The following INSL6 variants were observed in gnomAD, a reference collection of about 807,000 sequenced individuals.
The protein encoded by INSL6 is insulin like 6.
Under a neutral mutation model 9.4 loss-of-function variants are expected in INSL6, and 16 were observed. The ratio of observed to expected loss-of-function variants is 1.70; its 90% CI spans 1.15 to 2.59. INSL6 has a LOEUF of 2.59. Among genes scored for constraint, INSL6 ranks in the 30% most tolerant of loss-of-function variants. INSL6 has a pLI of 0.00. For missense variants in INSL6, 391 were observed against 257.3 expected, an observed-to-expected ratio of 1.52 and a Z score of -3.56; for synonymous variants, 154 against 96.9, an observed-to-expected ratio of 1.59 and a Z score of -3.46.
the INSL6 span, among the ~76,000 whole-genome samples, chr9:5,090,115 T>C: frequency 6.6e-6 from 1 of 152,236 alleles, no homozygotes; most frequent in Non-Finnish European, 1.5e-5. Flanking sequence ...GGAATTGTTT[T>C]TGTTTACATT....
chr9:5,105,140 G>C, the INSL6 span, among the ~76,000 whole-genome samples: 1 of 151,978 alleles, frequency 6.6e-6, no homozygotes, highest in African/African-American at 2.4e-5. Flanking sequence ...CAGATGACAC[G>C]ACTGTATATT....
chr9:5,029,963 A>T, the INSL6 span: 4 of 1,484,016 alleles, frequency 2.7e-6, no homozygotes, highest in Non-Finnish European at 3.6e-6. Flanking sequence ...GGGAGAAATT[A>T]TCAAATATTT....
chr9:5,016,218 G>A, the INSL6 span, among the ~76,000 whole-genome samples: 4 of 152,200 alleles, frequency 2.6e-5, no homozygotes, highest in Non-Finnish European at 5.9e-5. Flanking sequence ...GGAACTTCAG[G>A]ATGAAGTGAA....
At chr9:5,107,049 C>T in the INSL6 span, among the ~76,000 whole-genome samples, 11 of 152,086 alleles carry the variant, frequency 7.2e-5, no homozygotes, top group East Asian at 1.7e-3. Flanking sequence ...ATATACATCA[C>T]TTTACATCCA....
chr9:5,057,794 G>A, the INSL6 span, among the ~76,000 whole-genome samples: 1 of 151,842 alleles, frequency 6.6e-6, no homozygotes, highest in Non-Finnish European at 1.5e-5. Context: ...TGTTGGCCAG[G>A]TTGGTCTTGA....
At chr9:5,088,311 T>C in the INSL6 span, among the ~76,000 whole-genome samples, 1 of 152,192 alleles carries the variant, frequency 6.6e-6, no homozygotes, top group Admixed American at 6.5e-5. Flanking sequence ...CTACATGGTC[T>C]AGGTTTTTTA....
chr9:5,175,086 C>T (rs759033481), intron 1 of INSL6, among the ~76,000 whole-genome samples: 1 of 151,998 alleles, frequency 6.6e-6, no homozygotes, highest in Non-Finnish European at 1.5e-5. Context: ...ACTACAGGTG[C>T]CCACCACCAC....
At chr9:5,018,596 C>T in the INSL6 span, among the ~76,000 whole-genome samples, 1 of 152,200 alleles carries the variant, frequency 6.6e-6, no homozygotes, top group Non-Finnish European at 1.5e-5. Context: ...GCCTCAGCCA[C>T]CCAAAGTGCT....
At chr9:5,056,680 G>C in the INSL6 span, among the ~76,000 whole-genome samples, 1 of 152,094 alleles carries the variant, frequency 6.6e-6, no homozygotes, top group African/African-American at 2.4e-5. Context: ...TTTAGAAAAA[G>C]CTTGATAAAT....
the INSL6 span, chr9:5,055,024 A>G: frequency 1.7e-5 from 9 of 530,626 alleles, no homozygotes; most frequent in Non-Finnish European, 2.9e-5. Flanking sequence ...GCGTGAACCT[A>G]TCAAGGTCAT....
the INSL6 span, among the ~76,000 whole-genome samples, chr9:5,026,952 G>C: frequency 6.6e-6 from 1 of 152,090 alleles, no homozygotes; most frequent in African/African-American, 2.4e-5. Flanking sequence ...TTAATGTATT[G>C]TGTAAAACTT....
intron 2 of INSL6, among the ~76,000 whole-genome samples, chr9:5,135,779 G>C (rs760064356): frequency 6.6e-6 from 1 of 151,854 alleles, no homozygotes; most frequent in Non-Finnish European, 1.5e-5. Context: ...GATCAGAGCA[G>C]AACTGAGCAA....
At chr9:5,185,123 T>C (rs1219109205) in intron 1 of INSL6, among the ~76,000 whole-genome samples, 191 bp downstream of exon 1, 2 of 151,968 alleles carry the variant, frequency 1.3e-5, no homozygotes, top group Admixed American at 1.3e-4. Flanking sequence ...ATTTATTTCC[T>C]CCAAGTTAAA....
At chr9:5,151,717 T>C (rs1035365415) in intron 2 of INSL6, among the ~76,000 whole-genome samples, 1 of 151,812 alleles carries the variant, frequency 6.6e-6, no homozygotes, top group Non-Finnish European at 1.5e-5. Flanking sequence ...CCCAATAGAA[T>C]GCAAAAAAGG....
intron 1 of INSL6, among the ~76,000 whole-genome samples, chr9:5,178,309 G>T (rs1825363348): frequency 6.6e-6 from 1 of 152,162 alleles, no homozygotes; most frequent in African/African-American, 2.4e-5. Flanking sequence ...TAGGGAGGAG[G>T]GGCTGCCGCC....
At chr9:5,048,523 T>C in the INSL6 span, among the ~76,000 whole-genome samples, 4 of 152,180 alleles carry the variant, frequency 2.6e-5, 1 homozygote, top group Admixed American at 2.6e-4. Flanking sequence ...TTAAACAGTA[T>C]AACTTACTTG....
chr9:5,037,183 C>T, the INSL6 span, among the ~76,000 whole-genome samples: 6 of 152,016 alleles, frequency 3.9e-5, no homozygotes, highest in East Asian at 1.9e-4. Context: ...GTTAGAATGG[C>T]GATCATTAAA....
chr9:5,043,895 GAATA>G, the INSL6 span, among the ~76,000 whole-genome samples: 1 of 152,190 alleles, frequency 6.6e-6, no homozygotes, highest in Admixed American at 6.5e-5. Flanking sequence ...ACAATGCTAT[GAATA>G]AACTAAAAAC....
intron 1 of INSL6, among the ~76,000 whole-genome samples, chr9:5,179,119 G>A (rs1825385452): frequency 1.3e-5 from 2 of 149,574 alleles, no homozygotes; most frequent in African/African-American, 4.9e-5. Context: ...CTATCCATCT[G>A]ACAAAGCTCT....
Sources: gnomAD v4.1 joint callset for allele counts (sites outside exome capture counted in the v4.1 genomes callset) on GRCh38, gnomAD v4.1.1 for gene constraint, MANE v1.5 for transcripts, NCBI Gene and HGNC (gene_info 2026-07-23, HGNC 2026-07-21) for gene names.